Variants in BTBD9 observed in about 807,000 individuals in gnomAD.
BTBD9 encodes the protein BTB domain containing 9, also known as BTB/POZ domain-containing protein 9.
In BTBD9, 49 loss-of-function variants were observed where a neutral mutation model predicts 64.3. The observed-to-expected ratio is 0.76, with a 90% CI of 0.61 to 0.97. The LOEUF (loss-of-function observed/expected upper bound fraction) is 0.97. BTBD9 is among the 50% of genes least tolerant of loss of function. BTBD9 has a pLI of 0.00. For synonymous variants in BTBD9, 260 were observed against 274.7 expected, an observed-to-expected ratio of 0.95 and a Z score of 0.53; for missense variants, 598 against 762.1, an observed-to-expected ratio of 0.78 and a Z score of 2.53.
At chr6:38,345,671 C>T (rs145485652) in intron 6 of BTBD9, among the ~76,000 whole-genome samples, 9 of 152,336 alleles carry the variant, frequency 5.9e-5, no homozygotes, top group African/African-American at 1.7e-4. Flanking sequence ...GCCAGCCCCC[C>T]ACTTGACTGC....
chr6:38,585,892 C>A (rs994348987), intron 4 of BTBD9, among the ~76,000 whole-genome samples: 1 of 151,618 alleles, frequency 6.6e-6, no homozygotes, highest in African/African-American at 2.4e-5. Context: ...CAAGCTCCCT[C>A]AGTCTGAGGA....
chr6:38,364,998 CTG>C (rs1333763051), intron 6 of BTBD9, among the ~76,000 whole-genome samples: 1 of 152,070 alleles, frequency 6.6e-6, no homozygotes, highest in South Asian at 2.1e-4. Flanking sequence ...TTGGGGGAGA[CTG>C]TGAGTAATCC....
At chr6:38,375,739 A>G (rs1188286431) in intron 6 of BTBD9, among the ~76,000 whole-genome samples, 1 of 152,136 alleles carries the variant, frequency 6.6e-6, no homozygotes. Context: ...ATAAACACAC[A>G]AACACTGCAT....
chr6:38,345,148 T>C, intron 6 of BTBD9, 55 bp from the exon 7 acceptor site: 11 of 1,197,282 alleles, frequency 9.2e-6, no homozygotes, highest in South Asian at 1.3e-5. Flanking sequence ...CCACAACCAA[T>C]CCAAGGATAA....
chr6:38,625,002 TA>T (rs1234606603), intron 1 of BTBD9, among the ~76,000 whole-genome samples: 1 of 152,226 alleles, frequency 6.6e-6, no homozygotes, highest in African/African-American at 2.4e-5. Flanking sequence ...AAAATGGACT[TA>T]GGTTTGAAAG....
At chr6:38,217,813 C>CTGGAAAACCCTATGCTGCAGGGTT (rs1763062931) in intron 9 of BTBD9, among the ~76,000 whole-genome samples, 1 of 151,868 alleles carries the variant, frequency 6.6e-6, no homozygotes, top group African/African-American at 2.4e-5. Context: ...GCTGTCACAC[C>CTGGAAAACCCTATGCTGCAGGGTT]TGGAAAACCC....
Position 38,537,882 on chromosome 6 carries a change from C to T in BTBD9, c.1154+39718G>A, listed in dbSNP as rs115741050. Among the ~76,000 whole-genome samples the T allele has an allele frequency of 4.0e-3, 613 of 152,286 alleles. 3 individuals are homozygous for T. The highest frequency in any genetic ancestry group is 0.014 in the African/African-American group (564 of 41,562). ...CCTTGGTCCTAATACATTGGGCATACTGTACTCTGCTATCACCAAGTCCAC... is the reference window on the plus strand; with the variant it reads ...CCTTGGTCCTAATACATTGGGCATATTGTACTCTGCTATCACCAAGTCCAC... On this transcript the variant is annotated intron_variant, in intron 6 of 10. Transcript: ENST00000481247.
chr6:38,622,062 C>A (rs1778000632), intron 1 of BTBD9, among the ~76,000 whole-genome samples: 3 of 152,178 alleles, frequency 2.0e-5, no homozygotes, highest in Admixed American at 6.5e-5. Context: ...GTCCCTCCAC[C>A]AAACTTTTCA....
rs146207789 is a variant in BTBD9 at position 38,616,409 on chromosome 6, G to A, written c.-27-18288C>T. 2.3e-3 allele frequency among the ~76,000 whole-genome samples: 355 copies of A among 151,998 alleles called. 1 individual carries two copies. The highest frequency in any genetic ancestry group is 8.1e-3 in the African/African-American group (335 of 41,424). ...TTTATAACAAATATTTTATTACAAC[G>A]CCCTACTATTCTGAAATAAAATTCA... On this transcript the variant is annotated intron_variant, in intron 1 of 10. Transcript: ENST00000481247.
chr6:38,316,015 T>C (rs949118519), intron 7 of BTBD9, among the ~76,000 whole-genome samples: 2 of 152,230 alleles, frequency 1.3e-5, no homozygotes, highest in Non-Finnish European at 2.9e-5. Context: ...ATATTTATAA[T>C]TGTCATATCC....
chr6:38,231,440 G>A (rs1763600969), intron 9 of BTBD9, among the ~76,000 whole-genome samples: 2 of 152,310 alleles, frequency 1.3e-5, no homozygotes, highest in Non-Finnish European at 2.9e-5. Context: ...TAAGAGAGTT[G>A]CTGCTTAATC....
At chr6:38,210,981 C>G (rs1292574675) in intron 9 of BTBD9, among the ~76,000 whole-genome samples, 1 of 152,158 alleles carries the variant, frequency 6.6e-6, no homozygotes, top group African/African-American at 2.4e-5. Flanking sequence ...CCTAACAGCT[C>G]CCCTCCCCTT....
At chr6:38,228,347 C>G (rs973172391) in intron 9 of BTBD9, among the ~76,000 whole-genome samples, 2 of 69,564 alleles carry the variant, frequency 2.9e-5, no homozygotes, top group Admixed American at 2.9e-4. Context: ...CCTGTCCCCC[C>G]CCCCAAAAAA....
chr6:38,334,676 A>G (rs1266905902), intron 7 of BTBD9, among the ~76,000 whole-genome samples: 3 of 152,024 alleles, frequency 2.0e-5, no homozygotes, highest in Non-Finnish European at 4.4e-5. Flanking sequence ...AAACAAAACA[A>G]AACAAAAACA....
Position 38,347,868 on chromosome 6 carries a change from G to A in BTBD9, c.1155-2775C>T, listed in dbSNP as rs113280095. Reference sequence around the variant, plus strand: ...AAAAATTAGCCAGGCTTGGTGGCACGTGCCTGTAATCCCAGCTACTTGGGT... The same window carrying A: ...AAAAATTAGCCAGGCTTGGTGGCACATGCCTGTAATCCCAGCTACTTGGGT... On this transcript the variant is annotated intron_variant, in intron 6 of 10. Transcript: ENST00000481247. 9.1e-3 allele frequency among the ~76,000 whole-genome samples: 1,383 copies of A among 152,226 alleles called. 48 individuals carry two copies. The highest frequency in any genetic ancestry group is 0.056 in the Admixed American group (858 of 15,290).
chr6:38,269,139 A>G (rs1231387580), intron 8 of BTBD9, among the ~76,000 whole-genome samples: 1 of 152,226 alleles, frequency 6.6e-6, no homozygotes, highest in Non-Finnish European at 1.5e-5. Context: ...TGTCTGATAA[A>G]TCATAATTCT....
chr6:38,494,890 G>A (rs1233560896), intron 6 of BTBD9, among the ~76,000 whole-genome samples: 4 of 152,180 alleles, frequency 2.6e-5, no homozygotes, highest in South Asian at 2.1e-4. Flanking sequence ...CTGCCATAGA[G>A]TAAACACTTA....
chr6:38,625,463 T>C (rs1778134654), intron 1 of BTBD9, among the ~76,000 whole-genome samples: 1 of 152,228 alleles, frequency 6.6e-6, no homozygotes, highest in South Asian at 2.1e-4. Context: ...ATTTACTTGA[T>C]TTATTTTACA....
At chr6:38,201,890 G>A (rs1351457988) in intron 9 of BTBD9, among the ~76,000 whole-genome samples, 1 of 151,878 alleles carries the variant, frequency 6.6e-6, no homozygotes, top group Non-Finnish European at 1.5e-5. Context: ...CCAAGGAGGT[G>A]GAAAATCTCT....
Sources: allele counts gnomAD v4.1 joint callset (sites outside exome capture counted in the v4.1 genomes callset), GRCh38; gene constraint gnomAD v4.1.1; transcripts MANE v1.5; gene names NCBI Gene and HGNC (gene_info 2026-07-23, HGNC 2026-07-21).